ZNF804B: variants seen among roughly 807,000 people sequenced by gnomAD.
The protein encoded by ZNF804B is zinc finger 804B.
In ZNF804B, 80 loss-of-function variants were observed where a neutral mutation model predicts 101.4. That is an observed-to-expected ratio of 0.79 (90% CI 0.66 to 0.95). The LOEUF is 0.95. Ranked by LOEUF, ZNF804B falls within the 40% of genes least tolerant of loss-of-function variation. The probability of loss-of-function intolerance (pLI) is 0.00; values close to 1 mark genes in which losing one functional copy is unlikely to be tolerated. For missense variants in ZNF804B, 1,673 were observed against 1,561.9 expected (o/e 1.07, Z -1.20); for synonymous variants, 622 against 558.8 (o/e 1.11, Z -1.59).
intron 1 of ZNF804B, among the ~76,000 whole-genome samples, chr7:89,044,433 G>C (rs1789070965): frequency 1.3e-5 from 2 of 152,150 alleles, no homozygotes; most frequent in African/African-American, 4.8e-5. Flanking sequence ...CTGCTGCAAA[G>C]ATACCCAAAA....
At chr7:88,992,181 C>G (rs1197845796) in intron 1 of ZNF804B, among the ~76,000 whole-genome samples, 1 of 152,160 alleles carries the variant, frequency 6.6e-6, no homozygotes, top group Non-Finnish European at 1.5e-5. Flanking sequence ...CAGTCTCTCT[C>G]TCTTCCAAAA....
intron 1 of ZNF804B, among the ~76,000 whole-genome samples, chr7:89,185,157 A>G (rs190346991): frequency 1.7e-4 from 26 of 152,380 alleles, no homozygotes; most frequent in African/African-American, 5.0e-4. Context: ...AAATGTAATT[A>G]CAGCTTACCA....
intron 1 of ZNF804B, among the ~76,000 whole-genome samples, chr7:89,144,060 ATATT>A (rs1033067404): frequency 2.6e-5 from 4 of 151,980 alleles, no homozygotes; most frequent in East Asian, 1.9e-4. Flanking sequence ...AAAAAAGTAG[ATATT>A]TATTTGTGTA....
At chr7:88,772,870 A>G (rs1038266841) in intron 1 of ZNF804B, among the ~76,000 whole-genome samples, 8 of 145,232 alleles carry the variant, frequency 5.5e-5, no homozygotes, top group Non-Finnish European at 1.0e-4. Flanking sequence ...AAATAGTCAT[A>G]AGCAGAACTA....
chr7:89,301,317 G>A (rs938217310), intron 2 of ZNF804B, among the ~76,000 whole-genome samples: 1 of 149,694 alleles, frequency 6.7e-6, no homozygotes, highest in Non-Finnish European at 1.5e-5. Context: ...TAAATAAAGT[G>A]GCCTGCAGTC....
intron 1 of ZNF804B, among the ~76,000 whole-genome samples, chr7:88,975,060 T>C (rs940397920): frequency 1.3e-5 from 2 of 151,558 alleles, no homozygotes; most frequent in African/African-American, 4.8e-5. Context: ...CTTATTTCAC[T>C]TAAAATAATG....
At chr7:89,331,254 A>G (rs148529014) in intron 3 of ZNF804B, among the ~76,000 whole-genome samples, 152 of 151,856 alleles carry the variant, frequency 1.0e-3, no homozygotes, top group Admixed American at 2.1e-3. Flanking sequence ...GCAAAGTTGA[A>G]TGCTGCAGCT....
At chr7:89,057,875 A>G (rs1198750466) in intron 1 of ZNF804B, among the ~76,000 whole-genome samples, 1 of 152,102 alleles carries the variant, frequency 6.6e-6, no homozygotes, top group Non-Finnish European at 1.5e-5. Context: ...CTAATTTCAA[A>G]CATTATGAAA....
intron 1 of ZNF804B, among the ~76,000 whole-genome samples, chr7:89,019,021 G>A (rs1274487472): frequency 6.6e-6 from 1 of 151,816 alleles, no homozygotes; most frequent in Non-Finnish European, 1.5e-5. Context: ...CATTCTACCA[G>A]TTTTCGGTTT....
chr7:89,284,643 G>A (rs191390069), intron 2 of ZNF804B, among the ~76,000 whole-genome samples: 1 of 152,158 alleles, frequency 6.6e-6, no homozygotes, highest in Non-Finnish European at 1.5e-5. Flanking sequence ...CCTCTGGAAA[G>A]TGCAACTTTT....
intron 1 of ZNF804B, among the ~76,000 whole-genome samples, chr7:89,067,678 A>G (rs772272042): frequency 6.6e-6 from 1 of 152,102 alleles, no homozygotes; most frequent in African/African-American, 2.4e-5. Flanking sequence ...TAGCTAGTAA[A>G]ATTTTACAAA....
chr7:89,011,187 T>C (rs1788456206), intron 1 of ZNF804B, among the ~76,000 whole-genome samples: 1 of 152,062 alleles, frequency 6.6e-6, no homozygotes, highest in Non-Finnish European at 1.5e-5. Context: ...AACTATCAGA[T>C]CTTGTGAGAC....
At position 89,171,362 on chromosome 7, in the gene ZNF804B, C is replaced by CTCTTCCTCTTCTTCCTCTTCTTCCTCT. The variant is rs796739158; in HGVS notation, c.109-46778_109-46752dup. On this transcript the variant is annotated intron_variant, in intron 1 of 3. Transcript: ENST00000333190. ...CTTCTTCTTCTTCTTCTTCTTCCTC[C>CTCTTCCTCTTCTTCCTCTTCTTCCTCT]TCTTCCTCTTCTTCCTCTTCTTCCT... 6.9e-5 allele frequency among the ~76,000 whole-genome samples: 6 copies of CTCTTCCTCTTCTTCCTCTTCTTCCTCT among 86,776 alleles called. No individual in the cohort carries two copies. The East Asian group carries it at 1.6e-3, about 22-fold the overall frequency. 56.9% of individuals were successfully genotyped at this position (86,776 alleles called of 152,430 possible). A position where few individuals can be genotyped will look rare whatever the true frequency, so the allele number is the denominator to read the frequency against.
intron 1 of ZNF804B, among the ~76,000 whole-genome samples, chr7:88,817,316 C>T (rs1226957097): frequency 6.6e-6 from 1 of 152,072 alleles, no homozygotes; most frequent in Non-Finnish European, 1.5e-5. Context: ...ACCAACATGG[C>T]ACATGTATAC....
chr7:88,913,656 A>G (rs1415540902), intron 1 of ZNF804B, among the ~76,000 whole-genome samples: 1 of 152,128 alleles, frequency 6.6e-6, no homozygotes, highest in Non-Finnish European at 1.5e-5. Flanking sequence ...TCGGCCTCCC[A>G]AAGTGCTGGG....
chr7:88,865,696 G>T (rs1041873544), intron 1 of ZNF804B, among the ~76,000 whole-genome samples: 7 of 152,068 alleles, frequency 4.6e-5, no homozygotes, highest in African/African-American at 1.7e-4. Context: ...ACACACCATG[G>T]AGGGCCAGCC....
intron 1 of ZNF804B, among the ~76,000 whole-genome samples, chr7:89,069,388 G>A (rs536551182): frequency 2.1e-4 from 32 of 152,186 alleles, no homozygotes; most frequent in African/African-American, 7.5e-4. Context: ...CACCATTATA[G>A]AACTAATATG....
At chr7:88,877,483 C>T (rs1367913170) in intron 1 of ZNF804B, among the ~76,000 whole-genome samples, 1 of 152,010 alleles carries the variant, frequency 6.6e-6, no homozygotes, top group Non-Finnish European at 1.5e-5. Flanking sequence ...TCCAGTCCCT[C>T]TTATTTTAGG....
At chr7:88,892,796 A>G (rs1233997487) in intron 1 of ZNF804B, among the ~76,000 whole-genome samples, 1 of 152,180 alleles carries the variant, frequency 6.6e-6, no homozygotes, top group East Asian at 1.9e-4. Context: ...ATTAGTGGGA[A>G]CACTAATTTG....
Sources: allele counts gnomAD v4.1 joint callset (sites outside exome capture counted in the v4.1 genomes callset), GRCh38; gene constraint gnomAD v4.1.1; transcripts MANE v1.5; gene names NCBI Gene and HGNC (gene_info 2026-07-23, HGNC 2026-07-21).